Variants in AGBL4 observed in about 807,000 individuals in gnomAD.
AGBL4 encodes the protein AGBL carboxypeptidase 4, also known as cytosolic carboxypeptidase 6.
In AGBL4, 58 loss-of-function variants were observed where a neutral mutation model predicts 66.4. The observed-to-expected ratio is 0.87, with a 90% confidence interval of 0.71 to 1.09. The LOEUF (loss-of-function observed/expected upper bound fraction) is 1.09. AGBL4 is among the 50% of genes least tolerant of loss of function. The pLI is 0.00. For missense variants in AGBL4, 579 were observed against 631.0 expected, an observed-to-expected ratio of 0.92 and a Z score of 0.88; for synonymous variants, 234 against 222.9, an observed-to-expected ratio of 1.05 and a Z score of -0.44.
intron 5 of AGBL4, among the ~76,000 whole-genome samples, chr1:48,896,912 C>G (rs1651573688): frequency 6.6e-6 from 1 of 152,020 alleles, no homozygotes; most frequent in Non-Finnish European, 1.5e-5. Flanking sequence ...CTTTTGGGGT[C>G]TTCAAGGGTT....
intron 3 of AGBL4, among the ~76,000 whole-genome samples, chr1:49,397,514 C>T (rs1351660194): frequency 6.6e-6 from 1 of 152,124 alleles, no homozygotes; most frequent in Admixed American, 6.6e-5. Context: ...TCTCTAATAA[C>T]AACTCACAAT....
At chr1:49,778,678 G>T (rs1337411593) in intron 2 of AGBL4, among the ~76,000 whole-genome samples, 1 of 152,158 alleles carries the variant, frequency 6.6e-6, no homozygotes, top group Non-Finnish European at 1.5e-5. Flanking sequence ...CCTTGCCTCT[G>T]CAATGGGGAG....
intron 4 of AGBL4, among the ~76,000 whole-genome samples, chr1:49,160,281 CCTTT>C (rs1209212051): frequency 2.0e-5 from 3 of 152,132 alleles, no homozygotes; most frequent in African/African-American, 7.2e-5. Flanking sequence ...TGATGCTATT[CCTTT>C]CTGTTTGTTA....
chr1:49,848,473 C>A (rs927830570), intron 2 of AGBL4, among the ~76,000 whole-genome samples: 1 of 152,178 alleles, frequency 6.6e-6, no homozygotes, highest in African/African-American at 2.4e-5. Context: ...CAATGGAATA[C>A]TATTCATCCA....
At chr1:48,561,451 T>C (rs1644396279) in intron 11 of AGBL4, among the ~76,000 whole-genome samples, 1 of 152,206 alleles carries the variant, frequency 6.6e-6, no homozygotes, top group South Asian at 2.1e-4. Context: ...GCTTCCCTCA[T>C]GGTGTTTGAA....
At position 49,476,183 on chromosome 1, in the gene AGBL4, T is replaced by C. The variant is rs549450625; in HGVS notation, c.282+221130A>G. Among the ~76,000 whole-genome samples the C allele has an allele frequency of 3.9e-5, 6 of 152,090 alleles. No homozygotes were observed. In the South Asian group the frequency reaches 1.2e-3, roughly 32 times the overall value. ...CTAAATCTTGATGTTTACCCAAAAG[T>C]CACTCAGGAGAAAGTTGTTTAATTT... On this transcript the variant is annotated intron_variant, in intron 3 of 13. Coordinates refer to ENST00000371839, the MANE Select transcript of AGBL4 (RefSeq NM_032785.4).
intron 6 of AGBL4, among the ~76,000 whole-genome samples, chr1:48,769,451 C>T (rs1000203442): frequency 2.6e-5 from 4 of 151,174 alleles, no homozygotes; most frequent in South Asian, 4.2e-4. Flanking sequence ...AGGATAGGGT[C>T]GCAGAGGAAC....
intron 5 of AGBL4, among the ~76,000 whole-genome samples, chr1:48,968,531 A>G (rs1220355094): frequency 6.6e-6 from 1 of 152,040 alleles, no homozygotes; most frequent in African/African-American, 2.4e-5. Flanking sequence ...GGAGATGAGA[A>G]GTGGTTGGAA....
chr1:48,754,110 ACTGT>A (rs1478516859), intron 6 of AGBL4, among the ~76,000 whole-genome samples: 3 of 152,206 alleles, frequency 2.0e-5, no homozygotes, highest in Non-Finnish European at 4.4e-5. Flanking sequence ...AATGAATTAT[ACTGT>A]CTAAGTGGTA....
chr1:49,251,778 C>G (rs1652089097), intron 3 of AGBL4, among the ~76,000 whole-genome samples: 1 of 152,156 alleles, frequency 6.6e-6, no homozygotes, highest in African/African-American at 2.4e-5. Flanking sequence ...TACAAGTCCC[C>G]CAGAGTTAGA....
chr1:49,600,648 C>G (rs1400071639), intron 3 of AGBL4, among the ~76,000 whole-genome samples: 2 of 152,088 alleles, frequency 1.3e-5, no homozygotes, highest in Admixed American at 6.6e-5. Flanking sequence ...TTGATCCTGT[C>G]CTTATGATGC....
At chr1:49,245,973 C>G in intron 3 of AGBL4, 109 bp from the exon 4 acceptor site, 1 of 757,050 alleles carries the variant, frequency 1.3e-6, no homozygotes, top group South Asian at 1.7e-5. Flanking sequence ...TATGGACTAG[C>G]AGGCAACTGT....
At chr1:49,826,437 G>A (rs1044552636) in intron 2 of AGBL4, among the ~76,000 whole-genome samples, 3 of 152,146 alleles carry the variant, frequency 2.0e-5, no homozygotes, top group Admixed American at 2.0e-4. Context: ...GTGACAAATC[G>A]AAGACTAAGA....
chr1:49,950,007 T>TAC (rs1236947535), intron 1 of AGBL4, among the ~76,000 whole-genome samples: 1 of 75,400 alleles, frequency 1.3e-5, no homozygotes, highest in Non-Finnish European at 3.0e-5. Flanking sequence ...TGTATATATA[T>TAC]ATACACACAC....
chr1:48,527,469 C>T, the AGBL4 span, among the ~76,000 whole-genome samples: 5 of 151,684 alleles, frequency 3.3e-5, no homozygotes, highest in African/African-American at 4.9e-5. Context: ...TGTTGGTGCG[C>T]GCCTGTAGTC....
intron 3 of AGBL4, among the ~76,000 whole-genome samples, chr1:49,539,983 A>C (rs774527764): frequency 6.6e-6 from 1 of 152,196 alleles, no homozygotes; most frequent in Non-Finnish European, 1.5e-5. Context: ...GGTTAAAAAA[A>C]TTAAGGGCAA....
At chr1:49,565,168 C>G (rs1378454862) in intron 3 of AGBL4, among the ~76,000 whole-genome samples, 1 of 152,124 alleles carries the variant, frequency 6.6e-6, no homozygotes, top group Non-Finnish European at 1.5e-5. Flanking sequence ...GTAGATCTTC[C>G]TCCATCCCTT....
At chr1:48,831,471 A>G (rs1312187318) in intron 6 of AGBL4, among the ~76,000 whole-genome samples, 1 of 152,168 alleles carries the variant, frequency 6.6e-6, no homozygotes, top group Non-Finnish European at 1.5e-5. Context: ...TCCTTTCTGA[A>G]GCCTTGCCTT....
At chr1:48,568,584 G>T (rs1644511819) in intron 11 of AGBL4, among the ~76,000 whole-genome samples, 1 of 152,178 alleles carries the variant, frequency 6.6e-6, no homozygotes, top group Non-Finnish European at 1.5e-5. Flanking sequence ...GCCAAAGCAA[G>T]TCACCTAGGT....
Sources: allele counts gnomAD v4.1 joint callset (sites outside exome capture counted in the v4.1 genomes callset), GRCh38; gene constraint gnomAD v4.1.1; transcripts MANE v1.5; gene names NCBI Gene and HGNC (gene_info 2026-07-23, HGNC 2026-07-21).